Variants in DLGAP2 observed in about 807,000 individuals in gnomAD.
DLGAP2 encodes DLG associated protein 2.
Under a neutral mutation model 100.3 loss-of-function variants are expected in DLGAP2, and 26 were observed. That is an observed-to-expected ratio of 0.26 (90% confidence interval 0.19 to 0.36). DLGAP2 has a LOEUF of 0.36. DLGAP2 is among the 10% of genes least tolerant of loss of function. DLGAP2 has a pLI of 1.00. For synonymous variants in DLGAP2, 886 were observed against 630.1 expected, an observed-to-expected ratio of 1.41 and a Z score of -6.08; for missense variants, 1,858 against 1,453.2, an observed-to-expected ratio of 1.28 and a Z score of -4.53.
At chr8:1,260,076 G>T (rs926970488) in intron 3 of DLGAP2, among the ~76,000 whole-genome samples, 12 of 152,078 alleles carry the variant, frequency 7.9e-5, no homozygotes, top group Non-Finnish European at 1.5e-4. Context: ...GGCTGTTCCC[G>T]GGTGGAGCCT....
chr8:1,236,245 G>T (rs1200528654), intron 2 of DLGAP2, among the ~76,000 whole-genome samples: 2 of 57,350 alleles, frequency 3.5e-5, no homozygotes, highest in Non-Finnish European at 6.7e-5. Flanking sequence ...ATGGCACCAT[G>T]TCTAGTTATC....
intron 2 of DLGAP2, among the ~76,000 whole-genome samples, chr8:1,062,650 C>G (rs1178485514): frequency 6.6e-6 from 1 of 152,168 alleles, no homozygotes; most frequent in East Asian, 1.9e-4. Flanking sequence ...CCCTTGCCCT[C>G]CCTCCCTCCT....
rs76239124 is a variant in DLGAP2 at position 1,045,388 on chromosome 8, T to C, written c.73+137422T>C. 2.7e-3 allele frequency among the ~76,000 whole-genome samples: 406 copies of C among 152,334 alleles called. 14 individuals are homozygous for C. The East Asian group carries it at 0.069, about 26-fold the overall frequency. On this transcript the variant is annotated intron_variant, in intron 2 of 14. Transcript: ENST00000637795. ...TTTTTTAAAGTTGATAAATACAAAT[T>C]GTATATGTCTATGGTATACAACCTG...
At chr8:1,700,980 G>T (rs1229598214) in intron 14 of DLGAP2, among the ~76,000 whole-genome samples, 4 of 152,166 alleles carry the variant, frequency 2.6e-5, no homozygotes, top group Non-Finnish European at 4.4e-5. Flanking sequence ...GAGAGTGCGA[G>T]GGAGCTTCCA....
chr8:1,495,629 C>T (rs948290910), intron 3 of DLGAP2, among the ~76,000 whole-genome samples: 3 of 152,194 alleles, frequency 2.0e-5, no homozygotes, highest in Admixed American at 6.5e-5. Context: ...AAGCCTCTTC[C>T]TGGAGGACCC....
At chr8:888,808 C>G (rs989794985) in intron 1 of DLGAP2, among the ~76,000 whole-genome samples, 1 of 152,072 alleles carries the variant, frequency 6.6e-6, no homozygotes, top group Non-Finnish European at 1.5e-5. Context: ...AGTAGGGTGT[C>G]TGTGTACAGG....
intron 2 of DLGAP2, among the ~76,000 whole-genome samples, chr8:1,082,628 C>G (rs1190896313): frequency 6.6e-6 from 1 of 152,234 alleles, no homozygotes; most frequent in East Asian, 1.9e-4. Context: ...TGCCTCCATC[C>G]AGGGCTCCTC....
intron 3 of DLGAP2, among the ~76,000 whole-genome samples, chr8:1,340,399 C>A (rs1801392493): frequency 6.6e-6 from 1 of 152,060 alleles, no homozygotes; most frequent in Non-Finnish European, 1.5e-5. Flanking sequence ...AGAAAAAAAC[C>A]ATTAAAAAGC....
At chr8:1,179,917 A>T (rs1245021330) in intron 2 of DLGAP2, among the ~76,000 whole-genome samples, 1 of 152,230 alleles carries the variant, frequency 6.6e-6, no homozygotes, top group East Asian at 1.9e-4. Context: ...TAACGAGTAG[A>T]TGGGAAATTA....
At chr8:1,520,080 G>C (rs1394350375) in intron 4 of DLGAP2, among the ~76,000 whole-genome samples, 2 of 152,166 alleles carry the variant, frequency 1.3e-5, no homozygotes, top group Non-Finnish European at 2.9e-5. Flanking sequence ...TCTGCCCCTG[G>C]AGTGCTGGGC....
At chr8:918,255 A>G (rs1401545341) in intron 2 of DLGAP2, among the ~76,000 whole-genome samples, 2 of 152,230 alleles carry the variant, frequency 1.3e-5, no homozygotes, top group African/African-American at 4.8e-5. Flanking sequence ...AAAACATTTT[A>G]GATTTAAGCC....
intron 2 of DLGAP2, among the ~76,000 whole-genome samples, chr8:912,598 C>A (rs1238821781): frequency 6.6e-6 from 1 of 152,060 alleles, no homozygotes; most frequent in Non-Finnish European, 1.5e-5. Flanking sequence ...CTCATTGGAG[C>A]CGGCTCCTGC....
At chr8:1,516,451 GTGAC>G (rs914744741) in intron 4 of DLGAP2, among the ~76,000 whole-genome samples, 13 of 151,350 alleles carry the variant, frequency 8.6e-5, no homozygotes, top group African/African-American at 2.9e-4. Context: ...GAGGGAAAGA[GTGAC>G]TGAGTGAATG....
intron 13 of DLGAP2, among the ~76,000 whole-genome samples, chr8:1,696,398 G>A (rs1799399093): frequency 1.3e-5 from 2 of 152,172 alleles, no homozygotes. Context: ...TACTTGGGAG[G>A]CTGAGCAGGC....
chr8:750,672 A>G lies in DLGAP2; in HGVS notation c.18+12847A>G, dbSNP rs143391378. Reference sequence around the variant, plus strand: ...GTCTGACTTCCACGGCACCTGGCCCACATCCCGGTCTGCCTCCGCCCTCCC... The same window carrying G: ...GTCTGACTTCCACGGCACCTGGCCCGCATCCCGGTCTGCCTCCGCCCTCCC... On this transcript the variant is annotated intron_variant, in intron 1 of 14. Coordinates refer to ENST00000637795, the MANE Select transcript of DLGAP2 (RefSeq NM_001346810.2). Among the ~76,000 whole-genome samples the G allele has an allele frequency of 1.4e-3, 208 of 152,348 alleles. 1 individual carries two copies. The highest frequency in any genetic ancestry group is 4.9e-3 in the African/African-American group (204 of 41,582).
intron 3 of DLGAP2, among the ~76,000 whole-genome samples, chr8:1,444,104 T>C (rs1797915076): frequency 1.3e-5 from 2 of 152,082 alleles, no homozygotes; most frequent in African/African-American, 2.4e-5. Context: ...TAAGCTCCAG[T>C]GCTTTTTGTC....
intron 2 of DLGAP2, among the ~76,000 whole-genome samples, chr8:1,011,752 C>T (rs1801296080): frequency 1.3e-5 from 2 of 151,900 alleles, no homozygotes; most frequent in African/African-American, 2.4e-5. Flanking sequence ...TCAGTCTGCA[C>T]AGTGGGCCCT....
intron 1 of DLGAP2, among the ~76,000 whole-genome samples, chr8:828,432 GAA>G (rs1796722062): frequency 6.6e-6 from 1 of 152,214 alleles, no homozygotes; most frequent in Admixed American, 6.5e-5. Context: ...GCTTTTGAAA[GAA>G]GAGAAATATG....
chr8:1,046,526 C>A (rs1256783191), intron 2 of DLGAP2, among the ~76,000 whole-genome samples: 1 of 152,134 alleles, frequency 6.6e-6, no homozygotes, highest in African/African-American at 2.4e-5. Context: ...TAAAGGGGAC[C>A]TAAGTAAGAA....
Sources: gnomAD v4.1 joint callset for allele counts (sites outside exome capture counted in the v4.1 genomes callset) on GRCh38, gnomAD v4.1.1 for gene constraint, MANE v1.5 for transcripts, NCBI Gene and HGNC (gene_info 2026-07-23, HGNC 2026-07-21) for gene names.